The following SULT2B1 variants were observed in gnomAD, a reference collection of about 807,000 sequenced individuals.
The protein encoded by SULT2B1 is sulfotransferase 2B1.
In SULT2B1, 16 loss-of-function variants were observed where a neutral mutation model predicts 33.2. The observed-to-expected ratio is 0.48, with a 90% CI of 0.33 to 0.73. The LOEUF (loss-of-function observed/expected upper bound fraction) is 0.73, where lower values mean the gene tolerates loss of function less well. Ranked by LOEUF, SULT2B1 falls within the 30% of genes least tolerant of loss-of-function variation. The probability of loss-of-function intolerance (pLI) is 0.02; values close to 1 mark genes in which losing one functional copy is unlikely to be tolerated. For missense variants in SULT2B1, 500 were observed against 506.0 expected (o/e 0.99, Z 0.11); for synonymous variants, 186 against 200.5 (o/e 0.93, Z 0.61).
chr19:48,569,363 CATATATATATATATATATATAT>C (rs1159840741), intron 1 of SULT2B1, among the ~76,000 whole-genome samples: 4 of 33,282 alleles, frequency 1.2e-4, no homozygotes, highest in East Asian at 1.6e-3. Flanking sequence ...AAAAAAAAAA[CATATATATATATATATATATAT>C]ATATATATAT....
At chr19:48,597,307 G>A (rs1568415476) in intron 6 of SULT2B1, among the ~76,000 whole-genome samples, 3 of 148,760 alleles carry the variant, frequency 2.0e-5, no homozygotes, top group African/African-American at 2.5e-5. Flanking sequence ...CAAAAACACC[G>A]CAAACTCCAT....
intron 4 of SULT2B1, among the ~76,000 whole-genome samples, chr19:48,591,962 A>G (rs1254311064): frequency 2.0e-5 from 3 of 152,096 alleles, no homozygotes; most frequent in Admixed American, 6.6e-5. Flanking sequence ...AGAGACAGGG[A>G]GAGACACAGA....
chr19:48,589,153 A>G (rs1973609678), intron 3 of SULT2B1, among the ~76,000 whole-genome samples: 2 of 152,128 alleles, frequency 1.3e-5, no homozygotes, highest in Non-Finnish European at 2.9e-5. Context: ...AGGGGAGGGG[A>G]CGGTGGCTGG....
intron 1 of SULT2B1, among the ~76,000 whole-genome samples, chr19:48,574,876 C>A (rs552331306): frequency 3.6e-4 from 55 of 152,258 alleles, no homozygotes; most frequent in African/African-American, 1.3e-3. Flanking sequence ...GACATCATCA[C>A]TAATTCCGCG....
At position 48,578,801 on chromosome 19, in the gene SULT2B1, G is replaced by C. The variant is rs188021450; in HGVS notation, c.214+2718G>C. ...TGAGGCAGGAGAATTGCTTGGAACC[G>C]GGGGGTAGAGGTTGCAGTGAGCCAA... is the stretch of plus-strand genomic sequence containing the variant. On this transcript the variant is annotated intron_variant, in intron 2 of 6. Coordinates refer to ENST00000201586, the MANE Select transcript of SULT2B1 (RefSeq NM_177973.2). 3.0e-3 allele frequency among the ~76,000 whole-genome samples: 449 copies of C among 152,106 alleles called. 3 individuals carry two copies. Among genetic ancestry groups the C allele is most frequent in the African/African-American group, 9.6e-3 (398 of 41,480 alleles).
intron 3 of SULT2B1, among the ~76,000 whole-genome samples, chr19:48,588,619 A>C (rs1449464496): frequency 6.7e-6 from 1 of 149,982 alleles, no homozygotes; most frequent in East Asian, 1.9e-4. Context: ...TAATAACATA[A>C]TGCAATATAA....
chr19:48,598,024 T>C (rs1205826518), intron 6 of SULT2B1, among the ~76,000 whole-genome samples: 1 of 152,094 alleles, frequency 6.6e-6, no homozygotes, highest in Non-Finnish European at 1.5e-5. Context: ...CAGGGTCCTC[T>C]CCCCATCTCC....
intron 5 of SULT2B1, among the ~76,000 whole-genome samples, chr19:48,595,459 G>C (rs929331926): frequency 6.6e-6 from 1 of 152,066 alleles, no homozygotes; most frequent in Admixed American, 6.6e-5. Flanking sequence ...TGTATGGGGG[G>C]CTTGGATCAG....
intron 2 of SULT2B1, among the ~76,000 whole-genome samples, chr19:48,585,887 T>C (rs1973555054): frequency 6.6e-6 from 1 of 152,094 alleles, no homozygotes; most frequent in Non-Finnish European, 1.5e-5. Context: ...CAGAGATTTT[T>C]ATGTCCAGAC....
At chr19:48,562,935 CT>C (rs1973199914) in intron 1 of SULT2B1, among the ~76,000 whole-genome samples, 1 of 152,056 alleles carries the variant, frequency 6.6e-6, no homozygotes, top group African/African-American at 2.4e-5. Flanking sequence ...CTGCCTTGGC[CT>C]CCCAAAGTGC....
At chr19:48,597,215 G>A (rs759781900) in intron 6 of SULT2B1, among the ~76,000 whole-genome samples, 1 of 152,102 alleles carries the variant, frequency 6.6e-6, no homozygotes, top group African/African-American at 2.4e-5. Flanking sequence ...CCTCCTCGAC[G>A]GCCATGTTCA....
chr19:48,565,135 G>A (rs148284024), intron 1 of SULT2B1, among the ~76,000 whole-genome samples: 2 of 151,534 alleles, frequency 1.3e-5, no homozygotes, highest in African/African-American at 4.8e-5. Flanking sequence ...CATGTTAGAC[G>A]GGCTGGTCTC....
chr19:48,571,825 G>GC (rs1973333624), intron 1 of SULT2B1, among the ~76,000 whole-genome samples: 1 of 151,688 alleles, frequency 6.6e-6, no homozygotes, highest in South Asian at 2.1e-4. Context: ...ACAGGATGCT[G>GC]TAGGGTAGCC....
chr19:48,571,021 G>C (rs977907163), intron 1 of SULT2B1, among the ~76,000 whole-genome samples: 1 of 151,186 alleles, frequency 6.6e-6, no homozygotes, highest in Non-Finnish European at 1.5e-5. Flanking sequence ...ACCACACCTG[G>C]CCTATTATTA....
intron 1 of SULT2B1, among the ~76,000 whole-genome samples, chr19:48,573,534 G>C (rs1005214779): frequency 1.3e-5 from 2 of 152,108 alleles, no homozygotes; most frequent in African/African-American, 4.8e-5. Flanking sequence ...GGGACAGGGG[G>C]GTCCTGGCTC....
intron 5 of SULT2B1, among the ~76,000 whole-genome samples, chr19:48,595,206 C>T (rs547729644): frequency 1.3e-5 from 2 of 152,022 alleles, no homozygotes; most frequent in African/African-American, 2.4e-5. Context: ...CGCTTGAACC[C>T]GGGAGGCAGA....
chr19:48,570,334 C>T (rs1172597455), intron 1 of SULT2B1, among the ~76,000 whole-genome samples: 2 of 152,020 alleles, frequency 1.3e-5, no homozygotes, highest in Non-Finnish European at 2.9e-5. Context: ...CGTGCACCAC[C>T]ATACCCAGCT....
intron 1 of SULT2B1, among the ~76,000 whole-genome samples, chr19:48,567,527 GA>G (rs1973261731): frequency 6.6e-6 from 1 of 151,976 alleles, no homozygotes; most frequent in Non-Finnish European, 1.5e-5. Flanking sequence ...ATGCCTGGGC[GA>G]CAGAGCGAGA....
At position 48,599,037 on chromosome 19, in the gene SULT2B1, C is replaced by T. The variant is rs1200836438; in HGVS notation, c.827-98C>T. On this transcript the variant is annotated intron_variant, in intron 6 of 6. Transcript: ENST00000201586. This position sits in a 1 kb window ranked among gnomAD's most constrained non-coding sequence, Gnocchi z 4.1. ...GTTTCTGGCAAAGGGAACACCTCGC[C>T]AAAGGCCGGGAAGGGGAAGGAGGTT... is the stretch of plus-strand genomic sequence containing the variant. 6.0e-6 allele frequency: 9 copies of T among 1,490,750 alleles called. No homozygotes were observed. The highest frequency in any genetic ancestry group is 6.2e-6 in the Non-Finnish European group (7 of 1,126,112). 92.3% of individuals were successfully genotyped at this position (1,490,750 alleles called of 1,614,324 possible).
Sources: allele counts gnomAD v4.1 joint callset (sites outside exome capture counted in the v4.1 genomes callset), GRCh38; gene constraint gnomAD v4.1.1; non-coding constraint Gnocchi (gnomAD v3.1); transcripts MANE v1.5; gene names NCBI Gene and HGNC (gene_info 2026-07-23, HGNC 2026-07-21).